CAMK1D: variants seen among roughly 807,000 people sequenced by gnomAD.
CAMK1D encodes the protein calcium/calmodulin-dependent protein kinase type 1D.
CAMK1D carries 9 observed loss-of-function variants against 47.7 expected under a neutral mutation model. That is an observed-to-expected ratio of 0.19 (90% confidence interval 0.11 to 0.33). The LOEUF is 0.33. Ranked by LOEUF, CAMK1D falls within the 10% of genes least tolerant of loss-of-function variation. The pLI, the probability that CAMK1D is intolerant of heterozygous loss-of-function variation, is 1.00. For synonymous variants in CAMK1D, 184 were observed against 184.9 expected, an observed-to-expected ratio of 0.99 and a Z score of 0.04; for missense variants, 291 against 488.7, an observed-to-expected ratio of 0.60 and a Z score of 3.81.
At chr10:12,738,651 T>G (rs895321858) in intron 3 of CAMK1D, among the ~76,000 whole-genome samples, 1 of 151,728 alleles carries the variant, frequency 6.6e-6, no homozygotes, top group Non-Finnish European at 1.5e-5. Context: ...GCCAACACAG[T>G]GAAACCCCAT....
chr10:12,498,904 A>G (rs1333379952), intron 1 of CAMK1D, among the ~76,000 whole-genome samples: 3 of 152,172 alleles, frequency 2.0e-5, no homozygotes, highest in African/African-American at 4.8e-5. Flanking sequence ...TGCTTTGTCT[A>G]TAGAGCTGTT....
intron 2 of CAMK1D, among the ~76,000 whole-genome samples, chr10:12,559,408 C>T (rs1023304475): frequency 1.3e-5 from 2 of 152,124 alleles, no homozygotes; most frequent in African/African-American, 2.4e-5. Flanking sequence ...CTCCCCCACC[C>T]GCCACCCACT....
intron 1 of CAMK1D, among the ~76,000 whole-genome samples, chr10:12,508,539 A>C (rs1834946498): frequency 6.6e-6 from 1 of 152,224 alleles, no homozygotes; most frequent in African/African-American, 2.4e-5. Context: ...TCCCATTGGG[A>C]AGATGAAAAA....
intron 3 of CAMK1D, among the ~76,000 whole-genome samples, chr10:12,719,920 T>C (rs774058499): frequency 6.6e-6 from 1 of 152,230 alleles, no homozygotes; most frequent in Non-Finnish European, 1.5e-5. Flanking sequence ...GCTCGAGTTT[T>C]AGCACACAGA....
At chr10:12,564,353 G>A (rs1429404696) in intron 2 of CAMK1D, among the ~76,000 whole-genome samples, 1 of 151,864 alleles carries the variant, frequency 6.6e-6, no homozygotes, top group Non-Finnish European at 1.5e-5. Flanking sequence ...TGTCCGTTCT[G>A]TCTTCTATGT....
intron 1 of CAMK1D, among the ~76,000 whole-genome samples, chr10:12,440,697 GAT>G (rs1249097639): frequency 2.6e-5 from 4 of 152,180 alleles, no homozygotes; most frequent in Non-Finnish European, 5.9e-5. Context: ...AAGTATATGA[GAT>G]ACGGTGTATG....
intron 1 of CAMK1D, among the ~76,000 whole-genome samples, chr10:12,464,045 T>G (rs767025667): frequency 6.6e-5 from 10 of 152,182 alleles, no homozygotes; most frequent in Admixed American, 3.3e-4. Flanking sequence ...TTAAACCTCT[T>G]TCCTTTATAA....
chr10:12,669,058 C>A (rs998292384), intron 3 of CAMK1D, among the ~76,000 whole-genome samples: 1 of 152,042 alleles, frequency 6.6e-6, no homozygotes, highest in African/African-American at 2.4e-5. Flanking sequence ...ATGGTGAAAC[C>A]CCATCTCTAC....
intron 1 of CAMK1D, among the ~76,000 whole-genome samples, chr10:12,432,346 C>G (rs1832503701): frequency 6.6e-6 from 1 of 152,202 alleles, no homozygotes; most frequent in Non-Finnish European, 1.5e-5. Flanking sequence ...TGTCTGTTGT[C>G]TTTGTGTGTG....
chr10:12,776,265 A>G (rs1370351156), intron 5 of CAMK1D, among the ~76,000 whole-genome samples: 3 of 152,240 alleles, frequency 2.0e-5, no homozygotes, highest in African/African-American at 7.2e-5. Flanking sequence ...GATAATTCAA[A>G]GGTTTTTGGG....
chr10:12,377,089 G>C (rs1308678743), intron 1 of CAMK1D, among the ~76,000 whole-genome samples: 1 of 151,938 alleles, frequency 6.6e-6, no homozygotes, highest in Non-Finnish European at 1.5e-5. Flanking sequence ...CACACATTTT[G>C]TTATTGCATG....
intron 1 of CAMK1D, among the ~76,000 whole-genome samples, chr10:12,367,523 T>A (rs1837871837): frequency 6.6e-6 from 1 of 151,994 alleles, no homozygotes; most frequent in African/African-American, 2.4e-5. Flanking sequence ...TAAAATATAA[T>A]GAAATAATTC....
At chr10:12,565,964 T>C (rs1032070330) in intron 2 of CAMK1D, among the ~76,000 whole-genome samples, 2 of 152,084 alleles carry the variant, frequency 1.3e-5, no homozygotes, top group African/African-American at 4.8e-5. Flanking sequence ...TCTCAGCTAC[T>C]AGAAAGGCAG....
chr10:12,576,480 TA>T (rs1837493133), intron 2 of CAMK1D, among the ~76,000 whole-genome samples: 1 of 152,118 alleles, frequency 6.6e-6, no homozygotes, highest in East Asian at 1.9e-4. Context: ...TATTACATTA[TA>T]ATATATAATG....
rs1837290450 is a variant in CAMK1D at position 12,349,717 on chromosome 10, C to G, written c.-102C>G. The G allele has an allele frequency of 1.3e-5, 3 of 239,578 alleles. No homozygotes were observed. Among genetic ancestry groups the G allele is most frequent in the African/African-American group, 2.4e-5 (1 of 42,406 alleles). 14.8% of individuals were successfully genotyped at this position (239,578 alleles called of 1,614,324 possible). On this transcript the variant is annotated 5_prime_UTR_variant, in exon 1 of 11. Coordinates refer to ENST00000619168, the MANE Select transcript of CAMK1D (RefSeq NM_153498.4). ...CAGAGGAGGAAGCTGCGCCGCAGCCCGAGCCGCCCGGCATCCCCGCCGCCT... is the reference window on the plus strand; with the variant it reads ...CAGAGGAGGAAGCTGCGCCGCAGCCGGAGCCGCCCGGCATCCCCGCCGCCT...
intron 10 of CAMK1D, among the ~76,000 whole-genome samples, chr10:12,827,488 T>TTG (rs1554831860): frequency 2.0e-4 from 2 of 10,020 alleles, no homozygotes; most frequent in Non-Finnish European, 2.2e-4. Context: ...CTTTCTTTCT[T>TTG]TCTTTCTTTC....
At chr10:12,407,225 G>A (rs1839467653) in intron 1 of CAMK1D, among the ~76,000 whole-genome samples, 1 of 152,230 alleles carries the variant, frequency 6.6e-6, no homozygotes, top group Non-Finnish European at 1.5e-5. Flanking sequence ...CCCAGGGCAG[G>A]AGGCCTGGCA....
rs369624384 is a variant in CAMK1D at position 12,476,589 on chromosome 10, A to G, written c.93-76636A>G. Among the ~76,000 whole-genome samples the G allele has an allele frequency of 1.8e-4, 27 of 152,274 alleles. No individual in the cohort carries two copies. In the East Asian group the frequency reaches 1.9e-3, roughly 11 times the overall value. ...AAGATCATTATATTTCCTTACAAAA[A>G]TTTCTCTTATCATGTCGAGATTTTT... On this transcript the variant is annotated intron_variant, in intron 1 of 10. Transcript: ENST00000619168.
At position 12,499,069 on chromosome 10, in the gene CAMK1D, C is replaced by CTTT. The variant is rs35158100; in HGVS notation, c.93-54141_93-54139dup. Among the ~76,000 whole-genome samples, 449 of 123,074 alleles carry CTTT rather than the reference C, an allele frequency of 3.6e-3. 10 individuals are homozygous for CTTT. Among genetic ancestry groups the CTTT allele is most frequent in the African/African-American group, 0.013 (426 of 33,760 alleles). The allele number at this position is 123,074 out of a possible 152,430, so 80.7% of individuals were successfully genotyped here. On this transcript the variant is annotated intron_variant, in intron 1 of 10. Transcript: ENST00000619168. Reference sequence around the variant, plus strand: ...TACTCTCTTGGCTTGTAAATTACAGCTTTTTTTTTTTTTTTTTGCATCGAT... The same window carrying CTTT: ...TACTCTCTTGGCTTGTAAATTACAGCTTTTTTTTTTTTTTTTTTTTGCATCGAT...
Sources: allele counts gnomAD v4.1 joint callset (sites outside exome capture counted in the v4.1 genomes callset), GRCh38; gene constraint gnomAD v4.1.1; transcripts MANE v1.5; gene names NCBI Gene and HGNC (gene_info 2026-07-23, HGNC 2026-07-21).